The following DIS3L2 variants were observed in gnomAD, a reference collection of about 807,000 sequenced individuals.
DIS3L2 encodes DIS3-like exonuclease 2.
A neutral mutation model predicts 97.5 loss-of-function variants in DIS3L2; 34 were observed. The observed-to-expected ratio is 0.35, with a 90% CI of 0.27 to 0.46. The LOEUF is 0.46. Ranked by LOEUF, DIS3L2 falls within the 20% of genes least tolerant of loss-of-function variation. The probability of loss-of-function intolerance (pLI) is 1.00; values close to 1 mark genes in which losing one functional copy is unlikely to be tolerated. For synonymous variants in DIS3L2, 435 were observed against 445.2 expected (o/e 0.98, Z 0.29); for missense variants, 1,038 against 1,146.0 (o/e 0.91, Z 1.36).
intron 6 of DIS3L2, among the ~76,000 whole-genome samples, chr2:232,100,192 AT>A (rs10594218): frequency 0.18 from 19,853 of 112,474 alleles, 1,385 homozygotes; most frequent in East Asian, 0.34. Context: ...CCCTGCTAAT[AT>A]TTTTTTTTTT....
intron 1 of DIS3L2, among the ~76,000 whole-genome samples, chr2:231,971,656 C>T (rs1692916300): frequency 1.3e-5 from 2 of 152,046 alleles, no homozygotes; most frequent in African/African-American, 4.8e-5. Context: ...CCGTGTTAGC[C>T]AGGATGGTCT....
In DIS3L2 at chr2:232,239,493, G is replaced by C. The variant is rs146099139; in HGVS notation, c.1317+848G>C. 6.6e-3 allele frequency among the ~76,000 whole-genome samples: 1,003 copies of C among 152,220 alleles called. 19 individuals are homozygous for C. The highest frequency in any genetic ancestry group is 0.047 in the Admixed American group (718 of 15,290). ...CCCTTCTCTGATCCTCTGCTCATTT[G>C]CTCATCTTCCTTCTTCGGCCATATC... On this transcript the variant is annotated intron_variant, in intron 11 of 20. Transcript: ENST00000325385.
At chr2:231,997,462 C>T (rs562555874) in intron 1 of DIS3L2, among the ~76,000 whole-genome samples, 75 of 152,302 alleles carry the variant, frequency 4.9e-4, no homozygotes, top group African/African-American at 1.5e-3. Context: ...TGTTTTGGCT[C>T]ATATGAAACA....
intron 7 of DIS3L2, among the ~76,000 whole-genome samples, chr2:232,133,896 G>A (rs550746269): frequency 2.8e-4 from 41 of 147,574 alleles, no homozygotes; most frequent in Middle Eastern, 3.5e-3. Flanking sequence ...GCTGAGACAG[G>A]AGAATCTCTT....
chr2:232,035,529 G>T (rs2106246025), intron 5 of DIS3L2, among the ~76,000 whole-genome samples: 1 of 152,302 alleles, frequency 6.6e-6, no homozygotes. Context: ...GTGTGAATTT[G>T]ATCCTGTCAT....
chr2:232,149,341 T>A (rs1574910794), intron 8 of DIS3L2, among the ~76,000 whole-genome samples: 1 of 91,040 alleles, frequency 1.1e-5, no homozygotes. Context: ...ATGCTATCCC[T>A]CCCCCCTCCC....
chr2:232,274,200 C>T (rs1214487690), intron 13 of DIS3L2, among the ~76,000 whole-genome samples: 2 of 152,146 alleles, frequency 1.3e-5, no homozygotes, highest in Non-Finnish European at 2.9e-5. Context: ...CCCCTTGTTC[C>T]TCTCAGAGAT....
intron 9 of DIS3L2, among the ~76,000 whole-genome samples, chr2:232,180,012 CTT>C (rs1192655443): frequency 1.7e-5 from 2 of 120,546 alleles, no homozygotes; most frequent in Non-Finnish European, 3.1e-5. Flanking sequence ...TATGTTGTGT[CTT>C]TGTTCTCGTT....
At chr2:232,087,917 C>A in intron 6 of DIS3L2, 196 bp downstream of exon 6, 2 of 547,826 alleles carry the variant, frequency 3.7e-6, no homozygotes, top group South Asian at 2.3e-5. Flanking sequence ...GTGCTTCCAG[C>A]GGTTTGTGTG....
chr2:231,989,373 G>A (rs997609456), intron 1 of DIS3L2, among the ~76,000 whole-genome samples: 2 of 143,816 alleles, frequency 1.4e-5, no homozygotes, highest in African/African-American at 5.1e-5. Flanking sequence ...GTGTGTGTGT[G>A]TATGTGTGTG....
chr2:232,063,197 T>G (rs2106278115), intron 5 of DIS3L2, among the ~76,000 whole-genome samples: 1 of 152,280 alleles, frequency 6.6e-6, no homozygotes, highest in Admixed American at 6.5e-5. Context: ...ACATGGTTCC[T>G]TTGAAAGTTG....
intron 5 of DIS3L2, among the ~76,000 whole-genome samples, chr2:232,070,645 C>T (rs763931872): frequency 3.3e-5 from 5 of 150,128 alleles, no homozygotes; most frequent in South Asian, 2.1e-4. Context: ...AGTGCAGTGG[C>T]GCCATCTCCA....
intron 6 of DIS3L2, among the ~76,000 whole-genome samples, chr2:232,130,079 C>G (rs972361403): frequency 1.3e-5 from 2 of 151,950 alleles, no homozygotes; most frequent in African/African-American, 2.4e-5. Flanking sequence ...GTACTTTACT[C>G]TTTATATAAT....
At chr2:232,070,643 G>A (rs1219469201) in intron 5 of DIS3L2, among the ~76,000 whole-genome samples, 1 of 150,410 alleles carries the variant, frequency 6.6e-6, no homozygotes, top group African/African-American at 2.5e-5. Context: ...GGAGTGCAGT[G>A]GCGCCATCTC....
chr2:232,034,070 A>G (rs1694886780), intron 5 of DIS3L2, among the ~76,000 whole-genome samples: 2 of 152,176 alleles, frequency 1.3e-5, no homozygotes, highest in Admixed American at 1.3e-4. Flanking sequence ...TACCTCTGGT[A>G]GAATTCGGCT....
chr2:231,993,595 G>A (rs72985683), intron 1 of DIS3L2, among the ~76,000 whole-genome samples: 2,216 of 152,244 alleles, frequency 0.015, 22 homozygotes, highest in Non-Finnish European at 0.021. Flanking sequence ...GCATCACTTA[G>A]GTTTAATTAC....
chr2:232,063,242 C>A (rs1695762434), intron 5 of DIS3L2, among the ~76,000 whole-genome samples: 1 of 152,146 alleles, frequency 6.6e-6, no homozygotes. Flanking sequence ...GTCCTATAGC[C>A]AGTTGATCAA....
chr2:231,967,164 G>A (rs1044954525), intron 1 of DIS3L2, among the ~76,000 whole-genome samples: 1 of 152,154 alleles, frequency 6.6e-6, no homozygotes, highest in African/African-American at 2.4e-5. Context: ...AGGGGAGAAG[G>A]GCTGATGAAG....
At chr2:232,007,470 G>C (rs1399549089) in intron 1 of DIS3L2, among the ~76,000 whole-genome samples, 1 of 152,166 alleles carries the variant, frequency 6.6e-6, no homozygotes, top group East Asian at 1.9e-4. Flanking sequence ...TGAGTAGCTA[G>C]GACTACAGGT....
Sources: gnomAD v4.1 joint callset for allele counts (sites outside exome capture counted in the v4.1 genomes callset) on GRCh38, gnomAD v4.1.1 for gene constraint, MANE v1.5 for transcripts, NCBI Gene and HGNC (gene_info 2026-07-23, HGNC 2026-07-21) for gene names.